Variants in ITPR1 observed in about 807,000 individuals in gnomAD.
ITPR1 encodes the protein inositol 1,4,5-trisphosphate receptor type 1, also known as inositol 1,4,5-trisphosphate-gated calcium channel ITPR1.
A neutral mutation model predicts 318.4 loss-of-function variants in ITPR1; 96 were observed. The ratio of observed to expected loss-of-function variants is 0.30; its 90% CI spans 0.26 to 0.36. ITPR1 has a LOEUF of 0.36. Ranked by LOEUF, ITPR1 falls within the 10% of genes least tolerant of loss-of-function variation. The pLI is 1.00. For missense variants in ITPR1, 2,440 were observed against 3,460.2 expected, an observed-to-expected ratio of 0.71 and a Z score of 7.40; for synonymous variants, 1,312 against 1,289.9, an observed-to-expected ratio of 1.02 and a Z score of -0.37.
In ITPR1 at chr3:4,688,420, A is replaced by G. The variant is rs974139006; in HGVS notation, c.3703-75A>G. ...AACACCTTCTGACTCCCACGTTAGC[A>G]GGAGGTGTTGGGTATAGGAGAAGCT... On this transcript the variant is annotated intron_variant, in intron 30 of 61. Transcript: ENST00000649015. 3.2e-6 allele frequency: 5 copies of G among 1,565,418 alleles called. No individual in the cohort carries two copies. The African/African-American group carries it at 5.4e-5, about 17-fold the overall frequency.
At chr3:4,694,496 G>T (rs1277140518) in intron 33 of ITPR1, among the ~76,000 whole-genome samples, 1 of 152,002 alleles carries the variant, frequency 6.6e-6, no homozygotes, top group Non-Finnish European at 1.5e-5. Context: ...TTAGTGGTGG[G>T]GATATCTTTT....
chr3:4,613,044 A>T (rs1443278014), intron 4 of ITPR1, among the ~76,000 whole-genome samples: 2 of 152,226 alleles, frequency 1.3e-5, no homozygotes, highest in African/African-American at 4.8e-5. Flanking sequence ...AAGTCCTGAG[A>T]CATGGGCCCA....
At chr3:4,707,604 C>G (rs532603112) in intron 37 of ITPR1, among the ~76,000 whole-genome samples, 49 of 152,140 alleles carry the variant, frequency 3.2e-4, no homozygotes, top group Non-Finnish European at 5.9e-4. Context: ...GGGAGGGAAT[C>G]TAGACCATCA....
intron 33 of ITPR1, among the ~76,000 whole-genome samples, chr3:4,696,700 G>A (rs1415962109): frequency 4.5e-5 from 3 of 67,262 alleles, no homozygotes; most frequent in Non-Finnish European, 9.0e-5. Context: ...TTTGACATTT[G>A]ATATTCCTTT....
intron 4 of ITPR1, among the ~76,000 whole-genome samples, chr3:4,587,902 T>A (rs1438907747): frequency 6.6e-6 from 1 of 152,200 alleles, no homozygotes; most frequent in African/African-American, 2.4e-5. Flanking sequence ...TTTTAACACC[T>A]CTCATCTGAC....
intron 38 of ITPR1, chr3:4,711,482 G>T (rs1003730552): frequency 2.8e-6 from 1 of 352,036 alleles, no homozygotes; most frequent in East Asian, 5.1e-5. Context: ...GTGGACCTCT[G>T]TCTCGGTTCT....
At chr3:4,546,167 T>C (rs13090497) in intron 4 of ITPR1, among the ~76,000 whole-genome samples, 1 of 152,000 alleles carries the variant, frequency 6.6e-6, no homozygotes, top group African/African-American at 2.4e-5. Context: ...TGATGTAAAT[T>C]TTTCCCCCTC....
intron 10 of ITPR1, among the ~76,000 whole-genome samples, chr3:4,651,371 C>G (rs1186436957): frequency 6.6e-6 from 1 of 152,210 alleles, no homozygotes; most frequent in African/African-American, 2.4e-5. Flanking sequence ...AAACTTTGAT[C>G]TGTCTCCTTA....
At chr3:4,669,543 A>G in intron 18 of ITPR1, 111 bp from the exon 19 acceptor site, 2 of 1,009,174 alleles carry the variant, frequency 2.0e-6, no homozygotes, top group Non-Finnish European at 2.8e-6. Flanking sequence ...AATGCTGCTG[A>G]CATGTCTTGG....
intron 4 of ITPR1, among the ~76,000 whole-genome samples, chr3:4,521,982 C>G (rs1023357450): frequency 2.0e-5 from 3 of 152,076 alleles, no homozygotes; most frequent in Non-Finnish European, 2.9e-5. Context: ...CCAAAGGTAG[C>G]TTAGTTTATT....
chr3:4,711,501 T>C (rs991075327), intron 38 of ITPR1: 51 of 391,814 alleles, frequency 1.3e-4, no homozygotes, highest in Non-Finnish European at 3.3e-5. Context: ...CTCCTCTCCA[T>C]ATAATCTCTC....
At chr3:4,627,722 C>G in intron 4 of ITPR1, 41 bp from the exon 5 acceptor site, 1 of 1,230,294 alleles carries the variant, frequency 8.1e-7, no homozygotes, top group Non-Finnish European at 1.2e-6. Context: ...AGTCTCTATA[C>G]ACCCTCAATG....
At chr3:4,707,451 G>A (rs1183611604) in intron 37 of ITPR1, among the ~76,000 whole-genome samples, 4 of 152,272 alleles carry the variant, frequency 2.6e-5, no homozygotes, top group South Asian at 2.1e-4. Context: ...ACATCATGGC[G>A]GCTGTGTCCC....
At chr3:4,551,673 G>A (rs562671867) in intron 4 of ITPR1, among the ~76,000 whole-genome samples, 2 of 152,314 alleles carry the variant, frequency 1.3e-5, no homozygotes, top group Non-Finnish European at 1.5e-5. Context: ...TTTACAGCAT[G>A]TGTTAATTGT....
chr3:4,646,643 G>A (rs2093464652), intron 10 of ITPR1, among the ~76,000 whole-genome samples: 1 of 152,186 alleles, frequency 6.6e-6, no homozygotes, highest in Admixed American at 6.5e-5. Context: ...GCAACTTAAA[G>A]AAGCTAGAAG....
chr3:4,541,027 A>G (rs542634959), intron 4 of ITPR1, among the ~76,000 whole-genome samples: 6 of 152,256 alleles, frequency 3.9e-5, no homozygotes, highest in African/African-American at 1.4e-4. Context: ...AAAGTTTATA[A>G]CTATCATTAT....
chr3:4,806,707 C>T (rs2048576092), intron 55 of ITPR1, among the ~76,000 whole-genome samples: 1 of 152,012 alleles, frequency 6.6e-6, no homozygotes, highest in Admixed American at 6.6e-5. Flanking sequence ...GTTTTGAAGC[C>T]CCGGGATTCA....
chr3:4,726,978 G>C (rs1255170683), intron 41 of ITPR1, 148 bp from the exon 42 acceptor site: 1 of 630,916 alleles, frequency 1.6e-6, no homozygotes, highest in Non-Finnish European at 2.8e-6. Context: ...TGGATATACG[G>C]GGGAAAAACA....
chr3:4,632,455 T>C lies in ITPR1; in HGVS notation c.279+4577T>C, dbSNP rs140005406. Among the ~76,000 whole-genome samples, 580 of 152,006 alleles carry C rather than the reference T, an allele frequency of 3.8e-3. 2 individuals carry two copies. Among genetic ancestry groups the C allele is most frequent in the African/African-American group, 0.013 (553 of 41,464 alleles). ...GTTGCCAAGTGGAGAGTCCCATGGG[T>C]GGGTCTGGAGGGGCAGCTCTACTTC... On this transcript the variant is annotated intron_variant, in intron 5 of 61. Transcript: ENST00000649015.
Sources: gnomAD v4.1 joint callset for allele counts (sites outside exome capture counted in the v4.1 genomes callset) on GRCh38, gnomAD v4.1.1 for gene constraint, MANE v1.5 for transcripts, NCBI Gene and HGNC (gene_info 2026-07-23, HGNC 2026-07-21) for gene names.